Variants in HABP2 observed in about 807,000 individuals in gnomAD.
HABP2 encodes hyaluronan binding protein 2, also known as factor VII-activating protease.
In HABP2, 65 loss-of-function variants were observed where a neutral mutation model predicts 66.5. The observed-to-expected ratio is 0.98, with a 90% CI of 0.80 to 1.20. The LOEUF is 1.20. Among genes scored for constraint, HABP2 ranks in the 50% most tolerant of loss-of-function variants. The pLI, the probability that HABP2 is intolerant of heterozygous loss-of-function variation, is 0.00. For missense variants in HABP2, 786 were observed against 691.0 expected (o/e 1.14, Z -1.54); for synonymous variants, 263 against 253.9 (o/e 1.04, Z -0.34).
chr10:113,567,612 G>A, intron 2 of HABP2, 87 bp downstream of exon 2: 2 of 976,930 alleles, frequency 2.0e-6, no homozygotes, highest in South Asian at 1.3e-5. Flanking sequence ...TGGAAGTGTT[G>A]GAGGGACCTC....
chr10:113,576,598 A>C (rs1406160645), intron 4 of HABP2, among the ~76,000 whole-genome samples: 2 of 152,202 alleles, frequency 1.3e-5, no homozygotes, highest in African/African-American at 4.8e-5. Context: ...TTACCCCTAG[A>C]GAAAAGCTGT....
chr10:113,553,715 A>G (rs1409781862), intron 1 of HABP2, among the ~76,000 whole-genome samples: 3 of 152,204 alleles, frequency 2.0e-5, no homozygotes, highest in Admixed American at 6.5e-5. Context: ...TGTGTTTAGT[A>G]CTTTGTCTCC....
At position 113,578,731 on chromosome 10, in the gene HABP2, C is replaced by A. The variant is rs1249331035; in HGVS notation, c.673C>A (p.Gln225Lys). The A allele has an allele frequency of 1.2e-6, 2 of 1,609,414 alleles. No homozygotes were observed. Among genetic ancestry groups the A allele is most frequent in the African/African-American group, 1.3e-5 (1 of 74,836 alleles). Residue 225 changes from glutamine (Q) to lysine (K), a missense_variant, in exon 7 of 13, where the codon CAG becomes AAG. By Grantham distance (53) the Gln-to-Lys change is moderately conservative. Coordinates refer to ENST00000351270, the MANE Select transcript of HABP2 (RefSeq NM_004132.5). ...CLYWNSHLLL[Q>K]ENYNMFMEDA... ...TTACTGGAACTCCCACCTCCTCTTG[C>A]AGGAGAATTACAACATGTTTATGGA... is the stretch of plus-strand genomic sequence containing the variant.
At chr10:113,570,455 C>G (rs1845284885) in intron 2 of HABP2, among the ~76,000 whole-genome samples, 1 of 152,204 alleles carries the variant, frequency 6.6e-6, no homozygotes, top group Non-Finnish European at 1.5e-5. Flanking sequence ...AATTCTTGAA[C>G]AGCTGCCCCT....
chr10:113,583,303 G>C lies in HABP2; in HGVS notation c.1182G>C (p.Lys394Asn). The C allele has an allele frequency of 6.2e-7, 1 of 1,612,118 alleles. No homozygotes were observed. Among genetic ancestry groups the C allele is most frequent in the Non-Finnish European group, 8.5e-7 (1 of 1,178,174 alleles). ...ATGAGCAGAGCTTTAGGGTGGAGAA[G>C]ATATTCAAGTACAGCCACTACAATG... ...EFHEQSFRVE[K>N]IFKYSHYNER... The change falls in exon 10 of 13, where the codon AAG becomes AAC. Residue 394 changes from lysine (K) to asparagine (N), a missense_variant. Physicochemically the swap from Lys to Asn is moderately conservative, Grantham distance 94 (BLOSUM62 0). Coordinates refer to ENST00000351270, the MANE Select transcript of HABP2 (RefSeq NM_004132.5).
chr10:113,574,530 A>C, intron 3 of HABP2, 125 bp downstream of exon 3: 1 of 601,028 alleles, frequency 1.7e-6, no homozygotes, highest in Non-Finnish European at 3.0e-6. Context: ...CTATGGAAGA[A>C]ATTATTTGGA....
Position 113,580,035 on chromosome 10 carries a change from C to A in HABP2, c.741-560C>A, listed in dbSNP as rs189119008. ...GACCTCATGATCCACCTGCCTTGGCCTCCCAAAGTGCTGGGATTACAGGCA... is the reference window on the plus strand; with the variant it reads ...GACCTCATGATCCACCTGCCTTGGCATCCCAAAGTGCTGGGATTACAGGCA... On this transcript the variant is annotated intron_variant, in intron 7 of 12. Coordinates refer to ENST00000351270, the MANE Select transcript of HABP2 (RefSeq NM_004132.5). Among the ~76,000 whole-genome samples the A allele has an allele frequency of 8.5e-4, 129 of 152,236 alleles. 1 individual carries two copies. The highest frequency in any genetic ancestry group is 2.4e-3 in the Admixed American group (36 of 15,306).
At chr10:113,572,680 C>G (rs1222744774) in intron 2 of HABP2, 2 of 455,388 alleles carry the variant, frequency 4.4e-6, no homozygotes, top group Admixed American at 4.7e-5. Flanking sequence ...ACTTTATTTG[C>G]TCCAGGAAGA....
chr10:113,569,324 G>A (rs1257623356), intron 2 of HABP2, among the ~76,000 whole-genome samples: 1 of 152,196 alleles, frequency 6.6e-6, no homozygotes, highest in Non-Finnish European at 1.5e-5. Flanking sequence ...CCTCCAGGGA[G>A]TGGGCTGAGT....
chr10:113,586,575 T>C lies in HABP2; in HGVS notation c.1518+637T>C, dbSNP rs372667307. 4.6e-4 allele frequency among the ~76,000 whole-genome samples: 69 copies of C among 151,562 alleles called. 1 individual carries two copies. In the East Asian group the frequency reaches 8.2e-3, roughly 18 times the overall value. ...GCTGAGGCTTGTGACTCAGAGACAC[T>C]GTTGCAGAGAGAGAAGGTGGTGGCT... On this transcript the variant is annotated intron_variant, in intron 12 of 12. Transcript: ENST00000351270.
At chr10:113,572,823 T>C (rs1845338317) in intron 2 of HABP2, 1 of 288,140 alleles carries the variant, frequency 3.5e-6, no homozygotes, top group South Asian at 2.8e-5. Flanking sequence ...GACACTGTGA[T>C]AAATGAGGTG....
intron 1 of HABP2, among the ~76,000 whole-genome samples, chr10:113,556,579 G>A (rs1298635161): frequency 6.6e-6 from 1 of 151,988 alleles, no homozygotes; most frequent in Non-Finnish European, 1.5e-5. Flanking sequence ...AGCGGGTGTG[G>A]TGGTACATGT....
chr10:113,552,795 G>T (rs1422700407), upstream of HABP2, among the ~76,000 whole-genome samples: 1 of 152,156 alleles, frequency 6.6e-6, no homozygotes, highest in Non-Finnish European at 1.5e-5. Context: ...TGCTAGTCAC[G>T]CTGTCAGGCT....
intron 1 of HABP2, among the ~76,000 whole-genome samples, chr10:113,554,234 A>C (rs1382832419): frequency 6.6e-6 from 1 of 152,208 alleles, no homozygotes; most frequent in Admixed American, 6.5e-5. Context: ...AAATCAGAGA[A>C]TGCTCCGCCT....
chr10:113,567,916 G>T (rs140013232), intron 2 of HABP2, among the ~76,000 whole-genome samples: 1 of 152,202 alleles, frequency 6.6e-6, no homozygotes, highest in Admixed American at 6.5e-5. Context: ...CAGGCAGGCC[G>T]CTCCACCTCT....
At chr10:113,584,090 G>A (rs1845590668) in intron 10 of HABP2, 58 bp from the exon 11 acceptor site, 8 of 1,535,532 alleles carry the variant, frequency 5.2e-6, no homozygotes, top group Non-Finnish European at 7.2e-6. Flanking sequence ...GTTGGAGCTG[G>A]TGCTTCTCTG....
intron 1 of HABP2, among the ~76,000 whole-genome samples, chr10:113,553,566 A>T (rs1041704790): frequency 9.8e-5 from 15 of 152,368 alleles, no homozygotes; most frequent in Admixed American, 9.8e-4. Flanking sequence ...ATTGGTGCTG[A>T]CACACACAGT....
chr10:113,560,700 G>A (rs769725019), intron 1 of HABP2, among the ~76,000 whole-genome samples: 2 of 152,192 alleles, frequency 1.3e-5, no homozygotes, highest in Non-Finnish European at 2.9e-5. Flanking sequence ...AAAAAGGAAG[G>A]AAAGTTTGAT....
At chr10:113,573,093 C>T (rs1194869782) in intron 2 of HABP2, among the ~76,000 whole-genome samples, 1 of 152,114 alleles carries the variant, frequency 6.6e-6, no homozygotes, top group Non-Finnish European at 1.5e-5. Flanking sequence ...TTTGCTCGCG[C>T]CTCATTATCA....
Sources: gnomAD v4.1 joint callset for allele counts (sites outside exome capture counted in the v4.1 genomes callset) on GRCh38, gnomAD v4.1.1 for gene constraint, MANE v1.5 for transcripts, NCBI Gene and HGNC (gene_info 2026-07-23, HGNC 2026-07-21) for gene names.